Variants in NLGN4X observed in about 807,000 individuals in gnomAD.
NLGN4X encodes neuroligin 4 X-linked.
NLGN4X carries 3 observed loss-of-function variants against 40.3 expected under a neutral mutation model. That is an observed-to-expected ratio of 0.07 (90% CI 0.03 to 0.19). NLGN4X has a LOEUF of 0.19. Among genes scored for constraint, NLGN4X ranks in the 10% least tolerant of loss-of-function variants. NLGN4X has a pLI of 1.00. For synonymous variants in NLGN4X, 270 were observed against 306.8 expected (o/e 0.88, Z 1.25); for missense variants, 382 against 708.3 (o/e 0.54, Z 5.23).
chrX:6,225,825 C>T (rs866991364), intron 1 of NLGN4X, among the ~76,000 whole-genome samples: 11 of 98,276 alleles, frequency 1.1e-4, no homozygotes, highest in Non-Finnish European at 1.8e-4. Context: ...CCGATGTAAA[C>T]CCTACGGGCA....
intron 1 of NLGN4X, among the ~76,000 whole-genome samples, chrX:6,198,243 T>C (rs1244979243): frequency 9.0e-6 from 1 of 111,447 alleles, no homozygotes; most frequent in East Asian, 2.8e-4. Context: ...TGTAAGTTCA[T>C]CATTACAACT....
chrX:5,921,641 G>T (rs1375725815), intron 3 of NLGN4X, among the ~76,000 whole-genome samples: 1 of 111,386 alleles, frequency 9.0e-6, no homozygotes, highest in Non-Finnish European at 1.9e-5. Context: ...ACAAAACCTT[G>T]AGTTGTCTGT....
chrX:6,169,001 A>G (rs1347472198), intron 1 of NLGN4X, among the ~76,000 whole-genome samples: 1 of 112,233 alleles, frequency 8.9e-6, no homozygotes, highest in African/African-American at 3.2e-5. Context: ...AAGATAAAGG[A>G]AAATCGGAAG....
At chrX:6,078,113 G>A (rs1229989721) in intron 2 of NLGN4X, among the ~76,000 whole-genome samples, 2 of 111,514 alleles carry the variant, frequency 1.8e-5, no homozygotes, top group Non-Finnish European at 3.8e-5. Context: ...ACATGCCCTG[G>A]CCACTCCATC....
intron 2 of NLGN4X, among the ~76,000 whole-genome samples, chrX:6,083,985 A>G (rs1004630503): frequency 8.9e-6 from 1 of 112,422 alleles, no homozygotes; most frequent in Non-Finnish European, 1.9e-5. Context: ...AATTACCTAG[A>G]CATACAATAT....
intron 2 of NLGN4X, among the ~76,000 whole-genome samples, chrX:6,129,106 T>C (rs1168527003): frequency 2.7e-5 from 3 of 111,896 alleles, no homozygotes. Context: ...TTTTAAGAGA[T>C]GGAAGAGGAA....
chrX:6,021,610 T>C (rs1414862273), intron 3 of NLGN4X, among the ~76,000 whole-genome samples: 1 of 101,873 alleles, frequency 9.8e-6, no homozygotes, highest in Non-Finnish European at 2.0e-5. Context: ...CAAAGACCTG[T>C]CCACACCTAT....
At chrX:6,101,084 C>T (rs182160189) in intron 2 of NLGN4X, among the ~76,000 whole-genome samples, 1 of 111,305 alleles carries the variant, frequency 9.0e-6, no homozygotes, top group African/African-American at 3.3e-5. Context: ...AAGAAAAAAA[C>T]CAAAACATTT....
At chrX:6,025,676 G>C (rs749375795) in intron 3 of NLGN4X, among the ~76,000 whole-genome samples, 105 of 111,255 alleles carry the variant, frequency 9.4e-4, no homozygotes, top group African/African-American at 3.2e-3. Flanking sequence ...GGCCAAGGCA[G>C]GTGGATCTCC....
chrX:5,940,612 C>CT (rs1207233233), intron 3 of NLGN4X, among the ~76,000 whole-genome samples: 1,956 of 92,039 alleles, frequency 0.021, 43 homozygotes, highest in African/African-American at 0.071. Context: ...AAAAAAAAAA[C>CT]TTTTTTTTTT....
chrX:6,225,689 CTTTTTTTTTTTTTTTTTTT>C (rs749574818), intron 1 of NLGN4X, among the ~76,000 whole-genome samples: 2 of 26,912 alleles, frequency 7.4e-5, no homozygotes, highest in East Asian at 1.1e-3. Flanking sequence ...TTCTTTTTTT[CTTTTTTTTTTTTTTTTTTT>C]TTTTTTTTTT....
At chrX:5,914,219 T>G (rs2032658104) in intron 3 of NLGN4X, among the ~76,000 whole-genome samples, 1 of 111,970 alleles carries the variant, frequency 8.9e-6, no homozygotes, top group Non-Finnish European at 1.9e-5. Context: ...ACATGAATAT[T>G]TCTATTCAGG....
intron 5 of NLGN4X, among the ~76,000 whole-genome samples, chrX:5,896,774 C>T (rs945862454): frequency 8.9e-6 from 1 of 112,018 alleles, no homozygotes; most frequent in Non-Finnish European, 1.9e-5. Context: ...AAACATTGTT[C>T]GCAGTTAACG....
rs1375165364 is a variant in NLGN4X, at chrX:5,893,033, C to T, written c.2235G>A (p.Ser745=). 23 of 1,208,898 alleles carry T rather than the reference C, an allele frequency of 1.9e-5. No homozygotes were observed. Among genetic ancestry groups the T allele is most frequent in the Non-Finnish European group, 2.3e-5 (21 of 895,045 alleles). The change falls in exon 6 of 6, where the codon TCG becomes TCA. Residue 745 remains serine (S), a synonymous_variant. Transcript: ENST00000381095. ...KQLEHDHECE[S]LQAHDTLRLT... is the part of the protein sequence containing the mutation. ...GCCTCAGTGTGTCGTGTGCCTGCAG[C>T]GACTCACACTCGTGATCGTGTTCCA... is the stretch of plus-strand genomic sequence containing the variant.
chrX:6,130,485 T>C (rs750796116), intron 2 of NLGN4X, among the ~76,000 whole-genome samples: 1 of 112,773 alleles, frequency 8.9e-6, no homozygotes, highest in East Asian at 2.8e-4. Flanking sequence ...ACTCTGTTGC[T>C]AGTAGCATTA....
At chrX:5,993,759 A>G (rs2035747386) in intron 3 of NLGN4X, among the ~76,000 whole-genome samples, 1 of 111,695 alleles carries the variant, frequency 9.0e-6, no homozygotes, top group Non-Finnish European at 1.9e-5. Context: ...ACCACATAGA[A>G]AGAAGTGCTC....
intron 2 of NLGN4X, among the ~76,000 whole-genome samples, chrX:6,115,788 T>C (rs1351495107): frequency 9.0e-6 from 1 of 111,132 alleles, no homozygotes; most frequent in African/African-American, 3.3e-5. Flanking sequence ...ATGCAACAAT[T>C]AGAAGCATCG....
At chrX:5,909,326 GTCT>G (rs1443044068) in intron 3 of NLGN4X, 87 bp from the exon 4 acceptor site, 1 of 1,049,874 alleles carries the variant, frequency 9.5e-7, no homozygotes, top group Non-Finnish European at 1.3e-6. Context: ...CTCATAGCTT[GTCT>G]TCTTCATTCT....
At position 5,890,821 on chromosome X, in the gene NLGN4X, CAT is replaced by C; in HGVS notation, c.*1994_*1995del. 2 of 307,973 alleles carry C rather than the reference CAT, an allele frequency of 6.5e-6. No homozygotes were observed. Among genetic ancestry groups the C allele is most frequent in the Admixed American group, 7.1e-5 (2 of 28,147 alleles). 25.4% of individuals were successfully genotyped at this position (307,973 alleles called of 1,213,427 possible). A position where few individuals can be genotyped will look rare whatever the true frequency, so the allele number is the denominator to read the frequency against. ...ATAGGATTTGGGGGTGACTTGTACG[CAT>C]TTCTAAAAACACTTTTCTTTTTTCT... On this transcript the variant is annotated 3_prime_UTR_variant, in exon 6 of 6. Coordinates refer to ENST00000381095, the MANE Select transcript of NLGN4X (RefSeq NM_181332.3).
Sources: allele counts gnomAD v4.1 joint callset (sites outside exome capture counted in the v4.1 genomes callset), GRCh38; gene constraint gnomAD v4.1.1; transcripts MANE v1.5; gene names NCBI Gene and HGNC (gene_info 2026-07-23, HGNC 2026-07-21).